The following PPP2R5E variants were observed in gnomAD, a reference collection of about 807,000 sequenced individuals.
PPP2R5E encodes the protein protein phosphatase 2 regulatory subunit B'epsilon.
A neutral mutation model predicts 65.3 loss-of-function variants in PPP2R5E; 4 were observed. The observed-to-expected ratio is 0.06, with a 90% confidence interval of 0.03 to 0.14. The LOEUF is 0.14. Ranked by LOEUF, PPP2R5E falls within the 10% of genes least tolerant of loss-of-function variation. The pLI is 1.00. For missense variants in PPP2R5E, 274 were observed against 556.1 expected (o/e 0.49, Z 5.10); for synonymous variants, 183 against 187.4 (o/e 0.98, Z 0.19).
rs1300395176 is a variant in PPP2R5E, at chr14:63,542,836, G to C, written c.-65C>G. On this transcript the variant is annotated 5_prime_UTR_variant, in exon 1 of 14. Transcript: ENST00000337537. Reference sequence around the variant, plus strand: ...TCTGTGGCTTGGAGGGGCGGGAGACGGGCGAGGTGGCCGCAGCGGGGGCGG... The same window carrying C: ...TCTGTGGCTTGGAGGGGCGGGAGACCGGCGAGGTGGCCGCAGCGGGGGCGG... The C allele has an allele frequency of 6.5e-6, 1 of 153,788 alleles. No homozygotes were observed. Among genetic ancestry groups the C allele is most frequent in the Non-Finnish European group, 1.5e-5 (1 of 68,606 alleles). 9.5% of individuals were successfully genotyped at this position (153,788 alleles called of 1,614,324 possible). A position where few individuals can be genotyped will look rare whatever the true frequency, so the allele number is the denominator to read the frequency against.
At chr14:63,383,549 A>G (rs1242245919) in intron 12 of PPP2R5E, among the ~76,000 whole-genome samples, 9 of 152,208 alleles carry the variant, frequency 5.9e-5, no homozygotes, top group African/African-American at 2.2e-4. Flanking sequence ...TTAACTGTTT[A>G]TCAGCTCCTT....
intron 2 of PPP2R5E, among the ~76,000 whole-genome samples, chr14:63,455,869 C>A (rs1199031795): frequency 6.6e-6 from 1 of 151,800 alleles, no homozygotes; most frequent in Non-Finnish European, 1.5e-5. Context: ...CTTGTTCAAG[C>A]AATTCTCCTG....
At chr14:63,385,336 C>CA (rs564777721) in intron 11 of PPP2R5E, among the ~76,000 whole-genome samples, 1 of 149,628 alleles carries the variant, frequency 6.7e-6, no homozygotes, top group South Asian at 2.1e-4. Flanking sequence ...CTCCTCCCAC[C>CA]AAAAAAAAAG....
At chr14:63,540,773 G>T (rs1893867461) in intron 1 of PPP2R5E, among the ~76,000 whole-genome samples, 1 of 150,902 alleles carries the variant, frequency 6.6e-6, no homozygotes, top group Admixed American at 6.6e-5. Context: ...TATGTTAACA[G>T]GAAAACATGA....
chr14:63,448,376 T>C (rs1343052010), intron 3 of PPP2R5E, among the ~76,000 whole-genome samples: 1 of 152,218 alleles, frequency 6.6e-6, no homozygotes, highest in Non-Finnish European at 1.5e-5. Flanking sequence ...ACAGATATAG[T>C]AACAATGCAA....
chr14:63,477,144 T>TA (rs1216800281), intron 2 of PPP2R5E, among the ~76,000 whole-genome samples: 2 of 152,022 alleles, frequency 1.3e-5, no homozygotes, highest in East Asian at 1.9e-4. Context: ...CATCATTTCG[T>TA]AAAAAAAGAA....
chr14:63,376,251 A>G lies in PPP2R5E; in HGVS notation c.1305-143T>C. The stretch of plus-strand genomic sequence containing the variant: ...ACTTTAAAATTACTAAGAAACAAAA[A>G]TGGGAATGACTTATATGCATCAGTT... On this transcript the variant is annotated intron_variant, in intron 13 of 13. Transcript: ENST00000337537. 6.5e-6 allele frequency: 4 copies of G among 619,536 alleles called. No individual in the cohort carries two copies. The South Asian group carries it at 8.6e-5, about 13-fold the overall frequency. 38.4% of individuals were successfully genotyped at this position (619,536 alleles called of 1,614,324 possible).
chr14:63,524,864 C>CT (rs1307835252), intron 2 of PPP2R5E, among the ~76,000 whole-genome samples: 2 of 152,204 alleles, frequency 1.3e-5, no homozygotes, highest in African/African-American at 4.8e-5. Context: ...TTCTCACCAC[C>CT]TTCAGTCTCC....
At chr14:63,384,738 T>C (rs1361073960) in intron 11 of PPP2R5E, among the ~76,000 whole-genome samples, 167 bp from the exon 12 acceptor site, 1 of 152,130 alleles carries the variant, frequency 6.6e-6, no homozygotes, top group Non-Finnish European at 1.5e-5. Flanking sequence ...TTTTTTGAGA[T>C]GGGAGTCTCG....
At chr14:63,398,009 G>A (rs1421626989) in intron 5 of PPP2R5E, among the ~76,000 whole-genome samples, 2 of 152,150 alleles carry the variant, frequency 1.3e-5, no homozygotes, top group African/African-American at 2.4e-5. Flanking sequence ...GATTAGAGGT[G>A]TGAGCCACCA....
At position 63,415,134 on chromosome 14, in the gene PPP2R5E, G is replaced by T; in HGVS notation, c.549+6C>A. 6.5e-7 allele frequency: 1 copy of T among 1,536,778 alleles called. No homozygotes were observed. The highest frequency in any genetic ancestry group is 9.0e-7 in the Non-Finnish European group (1 of 1,111,518). Reference sequence around the variant, plus strand: ...CAAATACACACAACCACAATAATTTGCTTACCTGTAATACAAATTTCTGAT... The same window carrying T: ...CAAATACACACAACCACAATAATTTTCTTACCTGTAATACAAATTTCTGAT... On this transcript the variant is annotated splice_donor_region_variant and intron_variant, in intron 5 of 13. Transcript: ENST00000337537.
At chr14:63,497,610 T>C (rs1186240609) in intron 2 of PPP2R5E, among the ~76,000 whole-genome samples, 1 of 151,936 alleles carries the variant, frequency 6.6e-6, no homozygotes, top group Admixed American at 6.6e-5. Context: ...TAGCCGGACA[T>C]GGTGGCACAT....
intron 2 of PPP2R5E, among the ~76,000 whole-genome samples, chr14:63,458,861 A>G (rs73274639): frequency 0.029 from 4,440 of 152,252 alleles, 191 homozygotes; most frequent in African/African-American, 0.097. Flanking sequence ...CTAAATTAAC[A>G]ATACTTTTTA....
At chr14:63,435,119 G>A (rs1887888929) in intron 3 of PPP2R5E, among the ~76,000 whole-genome samples, 1 of 152,066 alleles carries the variant, frequency 6.6e-6, no homozygotes, top group South Asian at 2.1e-4. Context: ...AATTTTCTGG[G>A]GAGATGACAA....
At chr14:63,409,390 G>C (rs557647067) in intron 5 of PPP2R5E, among the ~76,000 whole-genome samples, 1 of 152,326 alleles carries the variant, frequency 6.6e-6, no homozygotes, top group South Asian at 2.1e-4. Context: ...CTGGGCAACA[G>C]AGCAAGACTC....
At position 63,450,737 on chromosome 14, in the gene PPP2R5E, C is replaced by T. The variant is rs1391437425; in HGVS notation, c.354+2952G>A. Among the ~76,000 whole-genome samples, 4 of 146,926 alleles carry T rather than the reference C, an allele frequency of 2.7e-5. No homozygotes were observed. In the South Asian group the frequency reaches 6.4e-4, roughly 24 times the overall value. ...CACAGTTCCTTCTTAGGTGTGCTTACACCTAATTAGAAAAATCAGATAAAT... is the reference window on the plus strand; with the variant it reads ...CACAGTTCCTTCTTAGGTGTGCTTATACCTAATTAGAAAAATCAGATAAAT... On this transcript the variant is annotated intron_variant, in intron 3 of 13. Transcript: ENST00000337537.
rs1398461584 is a variant in PPP2R5E at position 63,372,150 on chromosome 14, T to G, written c.*3859A>C. The G allele has an allele frequency of 6.6e-6, 1 of 151,934 alleles. No individual in the cohort carries two copies. The allele number at this position is 151,934 out of a possible 1,614,324, so 9.4% of individuals were successfully genotyped here. On this transcript the variant is annotated 3_prime_UTR_variant, in exon 14 of 14. Transcript: ENST00000337537. ...AGGAAGAAAAGGAAACCTATATTCATAGACATCATAATATGGGATGTTTAT... is the reference window on the plus strand; with the variant it reads ...AGGAAGAAAAGGAAACCTATATTCAGAGACATCATAATATGGGATGTTTAT...
chr14:63,479,200 A>T (rs1364279419), intron 2 of PPP2R5E: 1 of 152,186 alleles, frequency 6.6e-6, no homozygotes, highest in African/African-American at 2.4e-5. Flanking sequence ...ATTTCATAAT[A>T]AAGATGAAAA....
chr14:63,387,682 C>T (rs1457484276), intron 11 of PPP2R5E, among the ~76,000 whole-genome samples: 3 of 152,032 alleles, frequency 2.0e-5, no homozygotes, highest in South Asian at 2.1e-4. Flanking sequence ...TTTCTTTCTT[C>T]GACAAATTGA....
Sources: gnomAD v4.1 joint callset for allele counts (sites outside exome capture counted in the v4.1 genomes callset) on GRCh38, gnomAD v4.1.1 for gene constraint, MANE v1.5 for transcripts, NCBI Gene and HGNC (gene_info 2026-07-23, HGNC 2026-07-21) for gene names.